The following MRPL1 variants were observed in gnomAD, a reference collection of about 807,000 sequenced individuals.
The protein encoded by MRPL1 is large ribosomal subunit protein uL1m.
Under a neutral mutation model 38.0 loss-of-function variants are expected in MRPL1, and 28 were observed. That is an observed-to-expected ratio of 0.74 (90% CI 0.55 to 1.01). MRPL1 has a LOEUF of 1.01. Among genes scored for constraint, MRPL1 ranks in the 50% least tolerant of loss-of-function variants. MRPL1 has a pLI of 0.00. For synonymous variants in MRPL1, 123 were observed against 126.7 expected (o/e 0.97, Z 0.20); for missense variants, 358 against 389.8 (o/e 0.92, Z 0.69).
At chr4:77,888,192 T>C (rs1249955168) in intron 5 of MRPL1, among the ~76,000 whole-genome samples, 1 of 152,166 alleles carries the variant, frequency 6.6e-6, no homozygotes, top group Admixed American at 6.6e-5. Context: ...CAAGTGATTA[T>C]GTAGCCTGCC....
intron 6 of MRPL1, among the ~76,000 whole-genome samples, chr4:77,895,830 A>G (rs531849634): frequency 1.8e-4 from 27 of 152,258 alleles, no homozygotes; most frequent in African/African-American, 6.3e-4. Flanking sequence ...TTTCCCTTAC[A>G]GCAGTGTTCA....
rs1424050701 is a variant in MRPL1, at chr4:77,937,273, G to A, written c.778-12524G>A. Among the ~76,000 whole-genome samples the A allele has an allele frequency of 4.6e-5, 7 of 152,244 alleles. No homozygotes were observed. The East Asian group carries it at 1.2e-3, about 25-fold the overall frequency. ...TCATAGTTCCAGTGCCTGTGTTCCA[G>A]TTCAAAACTCTAATCTCATATCCAA... On this transcript the variant is annotated intron_variant, in intron 7 of 8. Transcript: ENST00000315567.
At chr4:77,872,998 A>G (rs1735318177) in intron 2 of MRPL1, among the ~76,000 whole-genome samples, 1 of 152,250 alleles carries the variant, frequency 6.6e-6, no homozygotes, top group South Asian at 2.1e-4. Context: ...GCGCCACTAC[A>G]CTCTAGCCTG....
chr4:77,912,197 C>T (rs550579834), intron 7 of MRPL1, among the ~76,000 whole-genome samples: 3 of 152,218 alleles, frequency 2.0e-5, no homozygotes, highest in South Asian at 2.1e-4. Context: ...ACAAGGACAT[C>T]CGTCTCACCA....
intron 5 of MRPL1, among the ~76,000 whole-genome samples, chr4:77,890,740 G>A (rs369661078): frequency 3.9e-5 from 6 of 152,280 alleles, no homozygotes; most frequent in South Asian, 4.1e-4. Flanking sequence ...AAACCCCATC[G>A]TCTCAGCCCC....
At chr4:77,871,896 T>A in intron 2 of MRPL1, 41 bp downstream of exon 2, 1 of 1,304,090 alleles carries the variant, frequency 7.7e-7, no homozygotes, top group Non-Finnish European at 1.1e-6. Context: ...TTGTTGTCAT[T>A]TTAATTTTTT....
At chr4:77,939,446 G>C (rs1737066919) in intron 7 of MRPL1, among the ~76,000 whole-genome samples, 1 of 152,046 alleles carries the variant, frequency 6.6e-6, no homozygotes, top group Non-Finnish European at 1.5e-5. Flanking sequence ...TTAGTCCTTT[G>C]TCTGATGTAT....
At chr4:77,886,991 A>G (rs575740267) in intron 4 of MRPL1, among the ~76,000 whole-genome samples, 1 of 151,760 alleles carries the variant, frequency 6.6e-6, no homozygotes, top group South Asian at 2.1e-4. Context: ...CAGTTTTGCC[A>G]TGTTGGCCAG....
At chr4:77,930,321 A>C (rs73827459) in intron 7 of MRPL1, among the ~76,000 whole-genome samples, 22,443 of 152,106 alleles carry the variant, frequency 0.15, 1,896 homozygotes, top group South Asian at 0.24. Context: ...GCAGGAGGTG[A>C]GTGGTGGGGG....
chr4:77,880,951 T>C (rs1735523698), intron 2 of MRPL1, among the ~76,000 whole-genome samples: 1 of 152,216 alleles, frequency 6.6e-6, no homozygotes, highest in Admixed American at 6.5e-5. Context: ...TGGGGCTCTG[T>C]GGAGGCAGCT....
intron 2 of MRPL1, among the ~76,000 whole-genome samples, chr4:77,878,748 A>G (rs1735459986): frequency 1.3e-5 from 2 of 152,078 alleles, no homozygotes; most frequent in African/African-American, 2.4e-5. Context: ...TCATGGTGGC[A>G]GGCACCTGTA....
chr4:77,871,728 T>C lies in MRPL1; in HGVS notation c.32-16T>C, dbSNP rs1735285149. Reference sequence around the variant, plus strand: ...GATTATTTAATGTTAATATTTTACATGTTTTTCCTTTCAAGCCTTGATACA... The same window carrying C: ...GATTATTTAATGTTAATATTTTACACGTTTTTCCTTTCAAGCCTTGATACA... On this transcript the variant is annotated splice_polypyrimidine_tract_variant and intron_variant, in intron 1 of 8. Coordinates refer to ENST00000315567, the MANE Select transcript of MRPL1 (RefSeq NM_020236.4). 8 of 1,209,736 alleles carry C rather than the reference T, an allele frequency of 6.6e-6. No homozygotes were observed. The South Asian group carries it at 1.2e-4, about 18-fold the overall frequency. 74.9% of individuals were successfully genotyped at this position (1,209,736 alleles called of 1,614,324 possible). A position where few individuals can be genotyped will look rare whatever the true frequency, so the allele number is the denominator to read the frequency against.
intron 7 of MRPL1, among the ~76,000 whole-genome samples, chr4:77,915,570 A>G (rs1333917964): frequency 6.6e-6 from 1 of 152,114 alleles, no homozygotes; most frequent in Admixed American, 6.5e-5. Flanking sequence ...GTGCGCCACC[A>G]TGCCCAGCTA....
chr4:77,909,253 T>C lies in MRPL1; in HGVS notation c.671-13T>C, dbSNP rs767569682. ...TTGGAGTGATAATTGTGGATTTTAC[T>C]TTTTCTAACTAGATTCCATTGGCCG... On this transcript the variant is annotated splice_polypyrimidine_tract_variant and intron_variant, in intron 6 of 8. Transcript: ENST00000315567. 1.3e-6 allele frequency: 2 copies of C among 1,546,750 alleles called. No individual in the cohort carries two copies. The highest frequency in any genetic ancestry group is 3.4e-5 in the Admixed American group (2 of 58,360).
At chr4:77,904,723 A>T (rs1234897594) in intron 6 of MRPL1, among the ~76,000 whole-genome samples, 1 of 152,204 alleles carries the variant, frequency 6.6e-6, no homozygotes, top group African/African-American at 2.4e-5. Flanking sequence ...ACCTAAACTT[A>T]TATGATCAAC....
chr4:77,909,213 A>G (rs1736230626), intron 6 of MRPL1, 53 bp from the exon 7 acceptor site: 1 of 1,079,194 alleles, frequency 9.3e-7, no homozygotes, highest in African/African-American at 1.6e-5. Context: ...TTATTCAGTA[A>G]TTTTTACTAC....
chr4:77,949,608 T>C (rs998024081), intron 7 of MRPL1, among the ~76,000 whole-genome samples, 189 bp from the exon 8 acceptor site: 3 of 152,186 alleles, frequency 2.0e-5, no homozygotes, highest in Non-Finnish European at 2.9e-5. Context: ...TATAAATCTA[T>C]TAAATCTTGA....
At chr4:77,895,122 T>C (rs1735883506) in intron 6 of MRPL1, among the ~76,000 whole-genome samples, 1 of 152,152 alleles carries the variant, frequency 6.6e-6, no homozygotes, top group Admixed American at 6.5e-5. Flanking sequence ...ATCTGCATTC[T>C]ATATTCAGCA....
At chr4:77,909,514 G>T (rs1219908955) in intron 7 of MRPL1, 142 bp downstream of exon 7, 10 of 564,010 alleles carry the variant, frequency 1.8e-5, no homozygotes, top group African/African-American at 1.8e-4. Context: ...CATACGCATA[G>T]ATACTTTTTT....
Sources: allele counts gnomAD v4.1 joint callset (sites outside exome capture counted in the v4.1 genomes callset), GRCh38; gene constraint gnomAD v4.1.1; transcripts MANE v1.5; gene names NCBI Gene and HGNC (gene_info 2026-07-23, HGNC 2026-07-21).